The following KCNC2 variants were observed in gnomAD, a reference collection of about 807,000 sequenced individuals.
KCNC2 encodes the protein voltage-gated potassium channel KCNC2.
In KCNC2, 21 loss-of-function variants were observed where a neutral mutation model predicts 44.5. That is an observed-to-expected ratio of 0.47 (90% CI 0.33 to 0.68). KCNC2 has a LOEUF of 0.68. Among genes scored for constraint, KCNC2 ranks in the 30% least tolerant of loss-of-function variants. The pLI is 0.01. For synonymous variants in KCNC2, 391 were observed against 339.1 expected, an observed-to-expected ratio of 1.15 and a Z score of -1.68; for missense variants, 589 against 826.2, an observed-to-expected ratio of 0.71 and a Z score of 3.52.
intron 2 of KCNC2, among the ~76,000 whole-genome samples, chr12:75,113,848 G>A (rs1355370073): frequency 6.6e-6 from 1 of 152,156 alleles, no homozygotes; most frequent in East Asian, 1.9e-4. Context: ...TAAGAATACT[G>A]TGCTGATACT....
At chr12:75,174,923 G>C (rs1892078799) in intron 2 of KCNC2, among the ~76,000 whole-genome samples, 1 of 151,980 alleles carries the variant, frequency 6.6e-6, no homozygotes, top group Admixed American at 6.6e-5. Flanking sequence ...AAGGCTAAGA[G>C]AAAGCAGTTA....
At chr12:75,091,624 T>A (rs1160579586) in intron 2 of KCNC2, among the ~76,000 whole-genome samples, 1 of 151,772 alleles carries the variant, frequency 6.6e-6, no homozygotes, top group Admixed American at 6.6e-5. Context: ...CGATGCAAAA[T>A]AGGTTTTTGT....
intron 2 of KCNC2, among the ~76,000 whole-genome samples, chr12:75,059,785 AT>A (rs1422510751): frequency 3.3e-5 from 5 of 152,120 alleles, no homozygotes. Context: ...ATGTAAATAA[AT>A]TTTTTAATAT....
intron 2 of KCNC2, among the ~76,000 whole-genome samples, chr12:75,055,123 C>T (rs1457823890): frequency 2.0e-5 from 3 of 152,040 alleles, no homozygotes; most frequent in Non-Finnish European, 2.9e-5. Flanking sequence ...AAGGACTAGA[C>T]TGGCATCATA....
chr12:75,153,956 G>A (rs1592982892), intron 2 of KCNC2, among the ~76,000 whole-genome samples: 2 of 151,834 alleles, frequency 1.3e-5, no homozygotes, highest in East Asian at 3.9e-4. Flanking sequence ...GGAAGGGGAG[G>A]CAGGAGAGGC....
chr12:75,044,001 T>C (rs914719250), intron 4 of KCNC2, among the ~76,000 whole-genome samples: 1 of 151,968 alleles, frequency 6.6e-6, no homozygotes, highest in South Asian at 2.1e-4. Context: ...ATATCACACC[T>C]TGATCTTTTG....
At chr12:75,109,730 A>G (rs1171082473) in intron 2 of KCNC2, among the ~76,000 whole-genome samples, 4 of 152,112 alleles carry the variant, frequency 2.6e-5, no homozygotes, top group African/African-American at 9.7e-5. Context: ...TGGTGTCTAC[A>G]AAAAGGCCAC....
chr12:75,131,039 G>T (rs1395480599), intron 2 of KCNC2, among the ~76,000 whole-genome samples: 1 of 152,052 alleles, frequency 6.6e-6, no homozygotes, highest in African/African-American at 2.4e-5. Flanking sequence ...CCTGAGGCTT[G>T]GGAGTAGTCA....
At chr12:75,188,228 AT>A (rs1565677828) in intron 2 of KCNC2, among the ~76,000 whole-genome samples, 2 of 152,204 alleles carry the variant, frequency 1.3e-5, no homozygotes, top group African/African-American at 2.4e-5. Flanking sequence ...AAAAATTAGA[AT>A]TAGAGTTACA....
intron 3 of KCNC2, among the ~76,000 whole-genome samples, chr12:75,049,795 CTTAAT>C (rs1342672884): frequency 6.6e-6 from 1 of 152,018 alleles, no homozygotes; most frequent in Non-Finnish European, 1.5e-5. Flanking sequence ...AGATACCCTA[CTTAAT>C]TTAAGAACAA....
intron 2 of KCNC2, among the ~76,000 whole-genome samples, chr12:75,056,481 G>A (rs1042605777): frequency 2.0e-5 from 3 of 151,908 alleles, no homozygotes; most frequent in Non-Finnish European, 4.4e-5. Context: ...ATTATTTTTA[G>A]TTTGTATTTC....
chr12:75,056,841 T>C (rs1358691733), intron 2 of KCNC2, among the ~76,000 whole-genome samples: 1 of 152,060 alleles, frequency 6.6e-6, no homozygotes, highest in Non-Finnish European at 1.5e-5. Context: ...CAAGGAATCA[T>C]GTTAAGTTAA....
intron 2 of KCNC2, among the ~76,000 whole-genome samples, chr12:75,088,279 G>C (rs576316525): frequency 6.6e-6 from 1 of 152,044 alleles, no homozygotes; most frequent in Non-Finnish European, 1.5e-5. Context: ...CTGTGAAATA[G>C]AAATAAAAAT....
intron 2 of KCNC2, among the ~76,000 whole-genome samples, chr12:75,118,593 G>A (rs973284283): frequency 2.0e-5 from 3 of 152,082 alleles, no homozygotes; most frequent in African/African-American, 7.2e-5. Context: ...AGAATGCTGT[G>A]AGGAAGCAGT....
intron 2 of KCNC2, among the ~76,000 whole-genome samples, chr12:75,100,676 A>G (rs1886304320): frequency 6.6e-6 from 1 of 152,058 alleles, no homozygotes; most frequent in African/African-American, 2.4e-5. Context: ...CATCAATGTA[A>G]CTTATTAGTG....
chr12:75,064,121 C>A (rs1241246910), intron 2 of KCNC2, among the ~76,000 whole-genome samples: 1 of 151,956 alleles, frequency 6.6e-6, no homozygotes, highest in East Asian at 1.9e-4. Flanking sequence ...AAATCAGACT[C>A]CTCCCAAATA....
chr12:75,180,438 T>C (rs1892499599), intron 2 of KCNC2, among the ~76,000 whole-genome samples: 1 of 151,862 alleles, frequency 6.6e-6, no homozygotes, highest in African/African-American at 2.4e-5. Context: ...ATATGCACAA[T>C]TTATTGTGAA....
intron 2 of KCNC2, among the ~76,000 whole-genome samples, chr12:75,151,608 G>A (rs1347519442): frequency 2.0e-5 from 3 of 151,824 alleles, no homozygotes; most frequent in African/African-American, 4.8e-5. Context: ...TGGCATGTAA[G>A]TGTGTGAGAG....
rs1432433211 is a variant in KCNC2 at position 75,202,380 on chromosome 12, T to C, written c.687+4917A>G. ...TCAGGTACTCTCTGATTCTATCCAA[T>C]GCTTAGACTATAAGCATAAAATTAA... On this transcript the variant is annotated intron_variant, in intron 2 of 4. Transcript: ENST00000549446. Among the ~76,000 whole-genome samples the C allele has an allele frequency of 2.0e-5, 3 of 151,872 alleles. No homozygotes were observed. The East Asian group carries it at 5.8e-4, about 29-fold the overall frequency.
Sources: gnomAD v4.1 joint callset for allele counts (sites outside exome capture counted in the v4.1 genomes callset) on GRCh38, gnomAD v4.1.1 for gene constraint, MANE v1.5 for transcripts, NCBI Gene and HGNC (gene_info 2026-07-23, HGNC 2026-07-21) for gene names.